The following PCBD2 variants were observed in gnomAD, a reference collection of about 807,000 sequenced individuals.
The protein encoded by PCBD2 is pterin-4 alpha-carbinolamine dehydratase 2.
Under a neutral mutation model 16.4 loss-of-function variants are expected in PCBD2, and 12 were observed. That is an observed-to-expected ratio of 0.73 (90% CI 0.47 to 1.19). The LOEUF is 1.19. PCBD2 is among the 50% of genes most tolerant of loss of function. The probability of loss-of-function intolerance (pLI) is 0.00; values close to 1 mark genes in which losing one functional copy is unlikely to be tolerated. For missense variants in PCBD2, 138 were observed against 156.8 expected, an observed-to-expected ratio of 0.88 and a Z score of 0.64; for synonymous variants, 58 against 61.8, an observed-to-expected ratio of 0.94 and a Z score of 0.29.
Position 134,949,451 on chromosome 5 carries a change from G to A in PCBD2, c.217-9589G>A, listed in dbSNP as rs76334219. 3.5e-3 allele frequency among the ~76,000 whole-genome samples: 533 copies of A among 152,132 alleles called. 8 individuals carry two copies. In the East Asian group the frequency reaches 0.039, roughly 11 times the overall value. ...TATTACATGAATTAGCTCCTTTTACGTATGGGGAAACTGAAACTCGTTTCA... is the reference window on the plus strand; with the variant it reads ...TATTACATGAATTAGCTCCTTTTACATATGGGGAAACTGAAACTCGTTTCA... On this transcript the variant is annotated intron_variant, in intron 2 of 3. Transcript: ENST00000254908.
intron 2 of PCBD2, among the ~76,000 whole-genome samples, chr5:134,916,449 A>G (rs1309893871): frequency 6.6e-6 from 1 of 152,152 alleles, no homozygotes; most frequent in Admixed American, 6.5e-5. Context: ...TGATTTGCTA[A>G]TGTAGTTTGT....
rs1751019767 is a variant in PCBD2 at position 134,927,259 on chromosome 5, G to C, written c.216+16793G>C. 5 of 398,456 alleles carry C rather than the reference G, an allele frequency of 1.3e-5. No homozygotes were observed. In the Admixed American group the frequency reaches 2.2e-4, roughly 18 times the overall value. 24.7% of individuals were successfully genotyped at this position (398,456 alleles called of 1,614,324 possible). The stretch of plus-strand genomic sequence containing the variant: ...CCTCACAGGGATAGTACAAGGAAGG[G>C]GTAGGCTATATGTTTTGTCAGGGGG... On this transcript the variant is annotated intron_variant, in intron 2 of 3. Coordinates refer to ENST00000254908, the MANE Select transcript of PCBD2 (RefSeq NM_032151.5).
At position 134,952,485 on chromosome 5, in the gene PCBD2, T is replaced by G. The variant is rs1180267799; in HGVS notation, c.217-6555T>G. Among the ~76,000 whole-genome samples, 13 of 152,216 alleles carry G rather than the reference T, an allele frequency of 8.5e-5. 1 individual carries two copies. ...ACCTTTAAAATTATGTTTGTTTGTT[T>G]AATCTGTCATGGGTTAAGAGATGTA... On this transcript the variant is annotated intron_variant, in intron 2 of 3. Coordinates refer to ENST00000254908, the MANE Select transcript of PCBD2 (RefSeq NM_032151.5).
chr5:134,924,063 G>T, intron 2 of PCBD2: 1 of 396,892 alleles, frequency 2.5e-6, no homozygotes, highest in Middle Eastern at 6.4e-4. Context: ...TGTTCTTGTA[G>T]TTGAAATACA....
At chr5:134,946,344 G>A (rs1751295464) in intron 2 of PCBD2, among the ~76,000 whole-genome samples, 1 of 152,132 alleles carries the variant, frequency 6.6e-6, no homozygotes, top group African/African-American at 2.4e-5. Context: ...TTATGAGACG[G>A]TTTCTTTGCT....
intron 3 of PCBD2, among the ~76,000 whole-genome samples, chr5:134,960,271 T>G (rs1421800915): frequency 6.6e-6 from 1 of 152,138 alleles, no homozygotes; most frequent in Non-Finnish European, 1.5e-5. Context: ...TAACGAGAGT[T>G]CAATTGGAAC....
chr5:134,954,006 C>T (rs989895937), intron 2 of PCBD2, among the ~76,000 whole-genome samples: 3 of 152,038 alleles, frequency 2.0e-5, no homozygotes, highest in Non-Finnish European at 4.4e-5. Context: ...CCCAGGTTGG[C>T]GTGCAGTGGA....
In PCBD2 at chr5:134,928,612, A is replaced by C. The variant is rs928318123; in HGVS notation, c.216+18146A>C. 1.6e-5 allele frequency: 3 copies of C among 189,592 alleles called. No homozygotes were observed. In the East Asian group the frequency reaches 3.8e-4, roughly 24 times the overall value. The allele number at this position is 189,592 out of a possible 1,614,324, so 11.7% of individuals were successfully genotyped here. A position where few individuals can be genotyped will look rare whatever the true frequency, so the allele number is the denominator to read the frequency against. On this transcript the variant is annotated intron_variant, in intron 2 of 3. Coordinates refer to ENST00000254908, the MANE Select transcript of PCBD2 (RefSeq NM_032151.5). ...CACTTTGGGAGGCCAAGACAGGCAG[A>C]TCACGAGATCAGGAGATTGAGACCA...
intron 3 of PCBD2, 70 bp from the exon 4 acceptor site, chr5:134,960,516 C>T (rs933034043): frequency 3.0e-5 from 33 of 1,094,930 alleles, no homozygotes; most frequent in Non-Finnish European, 3.9e-5. Context: ...AGACTGATTT[C>T]TGAACTGCCA....
intron 2 of PCBD2, among the ~76,000 whole-genome samples, chr5:134,937,836 C>G (rs1016693456): frequency 6.6e-6 from 1 of 152,210 alleles, no homozygotes; most frequent in Admixed American, 6.5e-5. Flanking sequence ...CACTGGCAGA[C>G]TCTCAGTTTA....
intron 2 of PCBD2, among the ~76,000 whole-genome samples, chr5:134,936,411 A>T (rs1361815187): frequency 1.3e-5 from 2 of 152,188 alleles, no homozygotes; most frequent in African/African-American, 4.8e-5. Context: ...ACGCTCCTTG[A>T]GGAACGGGAG....
At chr5:134,936,235 T>G (rs1751157656) in intron 2 of PCBD2, among the ~76,000 whole-genome samples, 1 of 152,236 alleles carries the variant, frequency 6.6e-6, no homozygotes, top group Non-Finnish European at 1.5e-5. Flanking sequence ...GACCCTGGCT[T>G]GCTGTGCAGG....
At chr5:134,908,670 A>G (rs1750728872) in intron 1 of PCBD2, among the ~76,000 whole-genome samples, 1 of 152,022 alleles carries the variant, frequency 6.6e-6, no homozygotes, top group South Asian at 2.1e-4. Context: ...GTCTCAAAAA[A>G]AAAAAAAAAA....
chr5:134,929,122 G>T (rs1210348225), intron 2 of PCBD2, among the ~76,000 whole-genome samples: 1 of 152,112 alleles, frequency 6.6e-6, no homozygotes, highest in Non-Finnish European at 1.5e-5. Context: ...AGAGAGGATG[G>T]CTCAGGACTT....
At chr5:134,909,656 A>G (rs1364135100) in intron 1 of PCBD2, among the ~76,000 whole-genome samples, 1 of 152,232 alleles carries the variant, frequency 6.6e-6, no homozygotes, top group Non-Finnish European at 1.5e-5. Flanking sequence ...GCAATAGACC[A>G]GGAGTTTGGA....
intron 2 of PCBD2, among the ~76,000 whole-genome samples, chr5:134,949,326 C>T (rs1468426476): frequency 6.6e-6 from 1 of 152,088 alleles, no homozygotes; most frequent in Non-Finnish European, 1.5e-5. Flanking sequence ...TTCTTCCTTT[C>T]CAGGCCACAG....
chr5:134,952,248 G>A (rs1751367219), intron 2 of PCBD2, among the ~76,000 whole-genome samples: 1 of 151,520 alleles, frequency 6.6e-6, no homozygotes, highest in Non-Finnish European at 1.5e-5. Context: ...GCTGCCTTTG[G>A]ACTGAGAATA....
At chr5:134,910,495 G>C in intron 2 of PCBD2, 29 bp downstream of exon 2, 1 of 1,611,800 alleles carries the variant, frequency 6.2e-7, no homozygotes. Flanking sequence ...TGCTAGGGCT[G>C]TGGTCTATTT....
In PCBD2 at chr5:134,960,608, A is replaced by T; in HGVS notation, c.320A>T (p.His107Leu). 6.2e-7 allele frequency: 1 copy of T among 1,612,192 alleles called. No homozygotes were observed. The change falls in exon 4 of 4, where the codon CAT (histidine) becomes CTT (leucine). Residue 107 changes from histidine (H) to leucine (L), a missense_variant. Transcript: ENST00000254908. ...YNKVQITLTS[H>L]DCGELTKKDV... ...TAGGTCCAGATAACTCTCACCTCAC[A>T]TGACTGTGGTGAACTGACCAAAAAA...
Sources: allele counts gnomAD v4.1 joint callset (sites outside exome capture counted in the v4.1 genomes callset), GRCh38; gene constraint gnomAD v4.1.1; transcripts MANE v1.5; gene names NCBI Gene and HGNC (gene_info 2026-07-23, HGNC 2026-07-21).